GLP1R: variants seen among roughly 807,000 people sequenced by gnomAD.
The protein encoded by GLP1R is glucagon like peptide 1 receptor.
GLP1R carries 32 observed loss-of-function variants against 68.4 expected under a neutral mutation model. The ratio of observed to expected loss-of-function variants is 0.47; its 90% confidence interval spans 0.35 to 0.63. The LOEUF (loss-of-function observed/expected upper bound fraction) is 0.63, where lower values mean the gene tolerates loss of function less well. Among genes scored for constraint, GLP1R ranks in the 20% least tolerant of loss-of-function variants. GLP1R has a pLI of 0.00. For missense variants in GLP1R, 502 were observed against 594.9 expected, an observed-to-expected ratio of 0.84 and a Z score of 1.62; for synonymous variants, 263 against 244.4, an observed-to-expected ratio of 1.08 and a Z score of -0.71.
intron 5 of GLP1R, among the ~76,000 whole-genome samples, chr6:39,067,176 C>T (rs1437730243): frequency 6.6e-6 from 1 of 152,170 alleles, no homozygotes. Flanking sequence ...CCTGAATGTG[C>T]CTCTTTTAAT....
chr6:39,078,350 G>C lies in GLP1R; in HGVS notation c.852G>C (p.Trp284Cys). Residue 284 changes from tryptophan to cysteine, a missense_variant, in exon 8 of 13, where the codon TGG becomes TGC. By Grantham distance (215) the Trp-to-Cys change is radical (BLOSUM62 -2). Coordinates refer to ENST00000373256, the MANE Select transcript of GLP1R (RefSeq NM_002062.5). ...WGVPLLFVVP[W>C]GIVKYLYEDE... ...TTCCCCTGCTGTTTGTTGTCCCCTG[G>C]GGCATTGTCAAGTACCTCTATGAGG... is the stretch of plus-strand genomic sequence containing the variant. 6.2e-7 allele frequency: 1 copy of C among 1,613,100 alleles called. No homozygotes were observed. The highest frequency in any genetic ancestry group is 8.5e-7 in the Non-Finnish European group (1 of 1,179,156).
At chr6:39,077,400 G>A (rs573319145) in intron 7 of GLP1R, among the ~76,000 whole-genome samples, 32 of 152,322 alleles carry the variant, frequency 2.1e-4, no homozygotes, top group Admixed American at 6.5e-4. Context: ...GCAGGAAGCC[G>A]CAGTTGCTGG....
intron 3 of GLP1R, among the ~76,000 whole-genome samples, chr6:39,058,183 G>A (rs1206327502): frequency 3.3e-5 from 5 of 152,224 alleles, no homozygotes; most frequent in African/African-American, 9.6e-5. Flanking sequence ...AAAGAGCTGG[G>A]TGGGGACAGA....
rs762048338 is a variant in GLP1R, at chr6:39,073,638, T to C, written c.692T>C (p.Leu231Pro). 6.2e-7 allele frequency: 1 copy of C among 1,614,018 alleles called. No homozygotes were observed. The highest frequency in any genetic ancestry group is 8.5e-7 in the Non-Finnish European group (1 of 1,179,928). The stretch of plus-strand genomic sequence containing the variant: ...TCTCTGAGCTGCCGCCTGGTGTTTC[T>C]GCTCATGCAGTACTGTGTGGCGGCC... ...QDSLSCRLVFLLMQYCVAANY... is the reference protein window; with the variant it reads ...QDSLSCRLVFPLMQYCVAANY... Residue 231 changes from leucine (L) to proline (P), a missense_variant, in exon 7 of 13, where the codon CTG becomes CCG. Leu to Pro is a moderately conservative substitution (Grantham distance 98). Transcript: ENST00000373256.
At chr6:39,082,065 G>T (rs1393155170) in intron 12 of GLP1R, among the ~76,000 whole-genome samples, 1 of 152,190 alleles carries the variant, frequency 6.6e-6, no homozygotes, top group African/African-American at 2.4e-5. Flanking sequence ...AGAGACAGGG[G>T]CCTAAGGAAT....
intron 12 of GLP1R, among the ~76,000 whole-genome samples, chr6:39,082,253 G>A (rs189151550): frequency 2.4e-4 from 36 of 152,284 alleles, no homozygotes; most frequent in African/African-American, 8.7e-4. Flanking sequence ...TGCATATAAG[G>A]TGCTCAGAGT....
chr6:39,051,559 C>T (rs547445091), intron 1 of GLP1R, among the ~76,000 whole-genome samples: 1 of 152,294 alleles, frequency 6.6e-6, no homozygotes, highest in East Asian at 1.9e-4. Flanking sequence ...GAAACCACAT[C>T]CTGCCCTCGA....
At chr6:39,066,000 C>T (rs755477699) in intron 4 of GLP1R, among the ~76,000 whole-genome samples, 171 bp downstream of exon 4, 1 of 152,188 alleles carries the variant, frequency 6.6e-6, no homozygotes, top group Non-Finnish European at 1.5e-5. Context: ...TGTGTATTCA[C>T]CTCTCTGGCC....
At chr6:39,071,405 G>A (rs1347888385) in intron 5 of GLP1R, among the ~76,000 whole-genome samples, 1 of 150,360 alleles carries the variant, frequency 6.7e-6, no homozygotes, top group African/African-American at 2.4e-5. Flanking sequence ...CCTTACCCTA[G>A]TGTCATAAAG....
intron 7 of GLP1R, among the ~76,000 whole-genome samples, chr6:39,076,982 G>C (rs1768846144): frequency 6.6e-6 from 1 of 152,170 alleles, no homozygotes; most frequent in African/African-American, 2.4e-5. Context: ...CTCTGAAGGT[G>C]AGTGAGGCCC....
At chr6:39,066,824 G>A (rs10305466) in intron 5 of GLP1R, among the ~76,000 whole-genome samples, 10 of 152,032 alleles carry the variant, frequency 6.6e-5, no homozygotes, top group African/African-American at 1.2e-4. Context: ...CTTGGAGAAG[G>A]GGGGCCAGGG....
intron 12 of GLP1R, among the ~76,000 whole-genome samples, chr6:39,084,714 ACTGGCGTCATC>A (rs2150839623): frequency 6.6e-6 from 1 of 152,296 alleles, no homozygotes; most frequent in South Asian, 2.1e-4. Flanking sequence ...TGCATGGGAC[ACTGGCGTCATC>A]CTGGCAGGCA....
intron 5 of GLP1R, among the ~76,000 whole-genome samples, chr6:39,068,460 C>T (rs940768614): frequency 1.3e-5 from 2 of 152,198 alleles, no homozygotes; most frequent in African/African-American, 4.8e-5. Context: ...CGGCCCCACA[C>T]CTGTGCCTTA....
intron 5 of GLP1R, among the ~76,000 whole-genome samples, chr6:39,070,770 T>C (rs1021304369): frequency 6.6e-6 from 1 of 152,180 alleles, no homozygotes; most frequent in African/African-American, 2.4e-5. Flanking sequence ...TACTTTTTCA[T>C]TGGCTTATTT....
In GLP1R at chr6:39,078,330, C is replaced by G. The variant is rs1366151858; in HGVS notation, c.832C>G (p.Leu278Val). The G allele has an allele frequency of 1.2e-6, 2 of 1,611,716 alleles. No individual in the cohort carries two copies. The highest frequency in any genetic ancestry group is 1.7e-6 in the Non-Finnish European group (2 of 1,177,948). The change falls in exon 8 of 13, where the codon CTG (leucine) becomes GTG (valine). Residue 278 changes from leucine (L) to valine (V), a missense_variant. Transcript: ENST00000373256. Reference sequence around the variant, plus strand: ...CTTTCCCTCTCTCTTAGGTGTTCCCCTGCTGTTTGTTGTCCCCTGGGGCAT... The same window carrying G: ...CTTTCCCTCTCTCTTAGGTGTTCCCGTGCTGTTTGTTGTCCCCTGGGGCAT... The part of the protein sequence containing the change: ...LYVSIGWGVP[L>V]LFVVPWGIVK...
rs1294372147 is a variant in GLP1R, at chr6:39,057,011, G to A, written c.176-461G>A. 3.3e-5 allele frequency among the ~76,000 whole-genome samples: 5 copies of A among 152,216 alleles called. No individual in the cohort carries two copies. In the East Asian group the frequency reaches 7.7e-4, roughly 23 times the overall value. On this transcript the variant is annotated intron_variant, in intron 2 of 12. Coordinates refer to ENST00000373256, the MANE Select transcript of GLP1R (RefSeq NM_002062.5). ...TTTAAAGAGCACGGGATTGGAGCCC[G>A]CTGGGCCTAGGTTGAAATCCTGACT...
At chr6:39,081,535 T>C (rs1769014182) in intron 12 of GLP1R, among the ~76,000 whole-genome samples, 1 of 152,194 alleles carries the variant, frequency 6.6e-6, no homozygotes, top group Non-Finnish European at 1.5e-5. Flanking sequence ...CATGGCTGTG[T>C]TCATGGGCAC....
intron 1 of GLP1R, among the ~76,000 whole-genome samples, chr6:39,051,574 C>G (rs921298127): frequency 2.0e-5 from 3 of 152,192 alleles, no homozygotes; most frequent in African/African-American, 7.2e-5. Context: ...CCTCGAATGC[C>G]TTGCACCAAG....
rs538282290 is a variant in GLP1R, at chr6:39,056,296, G to A, written c.79-101G>A. 109 of 626,174 alleles carry A rather than the reference G, an allele frequency of 1.7e-4. 4 individuals carry two copies. Among genetic ancestry groups the A allele is most frequent in the South Asian group, 1.7e-3 (82 of 49,562 alleles). The allele number at this position is 626,174 out of a possible 1,614,324, so 38.8% of individuals were successfully genotyped here. ...GATGCCTGGCAGAATTTGGGGCTTT[G>A]AGGTTTCATGGAGATTGAGAAACCA... On this transcript the variant is annotated intron_variant, in intron 1 of 12. Transcript: ENST00000373256.
Sources: gnomAD v4.1 joint callset for allele counts (sites outside exome capture counted in the v4.1 genomes callset) on GRCh38, gnomAD v4.1.1 for gene constraint, MANE v1.5 for transcripts, NCBI Gene and HGNC (gene_info 2026-07-23, HGNC 2026-07-21) for gene names.